TCHH: variants seen among roughly 807,000 people sequenced by gnomAD.
TCHH encodes the protein trichohyalin.
A neutral mutation model predicts 6.3 loss-of-function variants in TCHH; 6 were observed. The ratio of observed to expected loss-of-function variants is 0.95; its 90% confidence interval spans 0.52 to 1.88. The LOEUF is 1.88. Among genes scored for constraint, TCHH ranks in the 40% most tolerant of loss-of-function variants. The probability of loss-of-function intolerance (pLI) is 0.01; values close to 1 mark genes in which losing one functional copy is unlikely to be tolerated. For synonymous variants in TCHH, 1,087 were observed against 963.6 expected, an observed-to-expected ratio of 1.13 and a Z score of -2.37; for missense variants, 2,920 against 2,449.1, an observed-to-expected ratio of 1.19 and a Z score of -4.06.
At chr1:152,114,757 A>G (rs1658468458) in intron 1 of TCHH, among the ~76,000 whole-genome samples, 1 of 152,254 alleles carries the variant, frequency 6.6e-6, no homozygotes, top group Admixed American at 6.5e-5. Flanking sequence ...GAGACTGTAT[A>G]TTACCTGCCT....
Position 152,110,012 on chromosome 1 carries a change from C to A in TCHH, c.3205G>T (p.Glu1069Ter), listed in dbSNP as rs1658270162. 1 of 1,541,664 alleles carries A rather than the reference C, an allele frequency of 6.5e-7. No homozygotes were observed. Among genetic ancestry groups the A allele is most frequent in the Non-Finnish European group, 8.8e-7 (1 of 1,141,384 alleles). ...EEEQLLGEER[E>*]TRRRQELERQ... ...TCCAGCTCCTGGCGCCTTCTCGTCTCCCGTTCCTCTCCCAGCAGCTGCTCT... is the reference window on the plus strand; with the variant it reads ...TCCAGCTCCTGGCGCCTTCTCGTCTACCGTTCCTCTCCCAGCAGCTGCTCT... The change falls in exon 3 of 3, where the codon GAG becomes TAG. Residue 1069 changes from glutamate to a stop codon, truncating the protein, a stop_gained. Coordinates refer to ENST00000614923, the MANE Select transcript of TCHH (RefSeq NM_007113.4). LOFTEE classifies it low-confidence loss of function (END_TRUNC).
Position 152,109,683 on chromosome 1 carries a change from C to T in TCHH, c.3534G>A (p.Gln1178=). 5 of 1,608,836 alleles carry T rather than the reference C, an allele frequency of 3.1e-6. No homozygotes were observed. The highest frequency in any genetic ancestry group is 4.2e-6 in the Non-Finnish European group (5 of 1,177,054). ...RQYREEEELQ[Q]EEEQLLREEQ... Reference sequence around the variant, plus strand: ...CCTCTCTCAGCAGCTGCTCTTCCTCCTGCTGCAGCTCCTCTTCCTCGCGGT... The same window carrying T: ...CCTCTCTCAGCAGCTGCTCTTCCTCTTGCTGCAGCTCCTCTTCCTCGCGGT... The change falls in exon 3 of 3, where the codon CAG becomes CAA. Residue 1178 remains glutamine, a synonymous_variant. Coordinates refer to ENST00000614923, the MANE Select transcript of TCHH (RefSeq NM_007113.4).
chr1:152,112,295 G>A lies in TCHH; in HGVS notation c.922C>T (p.Arg308Cys), dbSNP rs1457861300. The A allele has an allele frequency of 1.9e-6, 3 of 1,605,750 alleles. No individual in the cohort carries two copies. The highest frequency in any genetic ancestry group is 1.1e-5 in the South Asian group (1 of 90,754). ...TCGCGCCTCTCCTCCTCCTGCTTGCGCCTTAGTTGCTGCTCGCGCCTCAGC... is the reference window on the plus strand; with the variant it reads ...TCGCGCCTCTCCTCCTCCTGCTTGCACCTTAGTTGCTGCTCGCGCCTCAGC... Reference protein sequence around the residue: ...QRLRREQQLRRKQEEERREQQ... With the variant: ...QRLRREQQLRCKQEEERREQQ... The change falls in exon 3 of 3, where the codon CGC (arginine) becomes TGC (cysteine). Residue 308 changes from arginine to cysteine, a missense_variant. Arg to Cys is a radical substitution (Grantham distance 180, BLOSUM62 -3). Coordinates refer to ENST00000614923, the MANE Select transcript of TCHH (RefSeq NM_007113.4).
chr1:152,111,293 TCTC>T lies in TCHH; in HGVS notation c.1921_1923del (p.Glu641del), dbSNP rs755471114. On this transcript the variant is annotated inframe_deletion, in exon 3 of 3. Transcript: ENST00000614923. ...TCGCGCCTTAGTTGCTGCTGGCGCC[TCTC>T]CTCCTGCTCCTCGCTCTTCAGCAGC... 141 of 1,591,674 alleles carry T rather than the reference TCTC, an allele frequency of 8.9e-5. No individual in the cohort carries two copies. Among genetic ancestry groups the T allele is most frequent in the Non-Finnish European group, 1.2e-4 (136 of 1,168,088 alleles).
In TCHH at chr1:152,110,220, C is replaced by G; in HGVS notation, c.2997G>C (p.Glu999Asp). The stretch of plus-strand genomic sequence containing the variant: ...GTTCCTCTCTCAGCAGCTGCTCTTC[C>G]TCCTGCTGCAACTCCTCTTCCTCGC... ...KYREEEELQQ[E>D]EEQLLREERE... The change falls in exon 3 of 3, where the codon GAG (glutamate) becomes GAC (aspartate). Residue 999 changes from glutamate (E) to aspartate (D), a missense_variant. Physicochemically the swap from Glu to Asp is conservative, Grantham distance 45. Transcript: ENST00000614923. 6.2e-7 allele frequency: 1 copy of G among 1,609,294 alleles called. No individual in the cohort carries two copies. Among genetic ancestry groups the G allele is most frequent in the Non-Finnish European group, 8.5e-7 (1 of 1,178,250 alleles).
In TCHH at chr1:152,110,125, T is replaced by C. The variant is rs1658277425; in HGVS notation, c.3092A>G (p.Glu1031Gly). Residue 1031 changes from glutamate to glycine, a missense_variant, in exon 3 of 3, where the codon GAG (glutamate) becomes GGG (glycine). By Grantham distance (98) the Glu-to-Gly change is moderately conservative. Transcript: ENST00000614923. ...RKKDELQQEE[E>G]QLLREEREKR... ...CTCCCGTTCCTCTCTCAGCAGCTGC[T>C]CTTCTTCCTGCTGCAGCTCGTCTTT... 1.2e-6 allele frequency: 2 copies of C among 1,611,002 alleles called. No homozygotes were observed. The highest frequency in any genetic ancestry group is 1.7e-6 in the Non-Finnish European group (2 of 1,179,250).
rs758729961 is a variant in TCHH at position 152,108,557 on chromosome 1, C to A, written c.4660G>T (p.Asp1554Tyr). 2.5e-6 allele frequency: 4 copies of A among 1,599,458 alleles called. No homozygotes were observed. In the Admixed American group the frequency reaches 6.8e-5, roughly 27 times the overall value. ...TGTTCCTCCTCGCGGAATTTTCTGT[C>A]ACGGTCCTGACGCCGCTGTTGCCCG... ...ERGQQRRQDR[D>Y]RKFREEEQLR... The change falls in exon 3 of 3, where the codon GAC (aspartate) becomes TAC (tyrosine). Residue 1554 changes from aspartate to tyrosine, a missense_variant. Coordinates refer to ENST00000614923, the MANE Select transcript of TCHH (RefSeq NM_007113.4).
rs1303137490 is a variant in TCHH at position 152,108,161 on chromosome 1, G to T, written c.5056C>A (p.Arg1686Ser). The T allele has an allele frequency of 7.4e-6, 12 of 1,612,906 alleles. No homozygotes were observed. Among genetic ancestry groups the T allele is most frequent in the Admixed American group, 3.3e-5 (2 of 59,966 alleles). The change falls in exon 3 of 3, where the codon CGC becomes AGC. Residue 1686 changes from arginine (R) to serine (S), a missense_variant. By Grantham distance (110) the Arg-to-Ser change is moderately radical. Transcript: ENST00000614923. ...LQEGEEQQLR[R>S]QERDRKFREE... ...CGGAATTTTCTGTCACGCTCTTGGC[G>T]GCGCAGCTGCTGTTCCTCCCCTTCC...
Position 152,111,684 on chromosome 1 carries a change from T to TTGCTCCCGCCTTAGTTGC in TCHH, c.1515_1532dup (p.Gln506_Gln511dup). ...TCAGCCGCTGCTCGCGCCTCTCCTC[T>TTGCTCCCGCCTTAGTTGC]TGCTCCCGCCTTAGTTGCTGCTCGC... On this transcript the variant is annotated inframe_insertion, in exon 3 of 3. Transcript: ENST00000614923. 1 of 1,268,964 alleles carries TTGCTCCCGCCTTAGTTGC rather than the reference T, an allele frequency of 7.9e-7. No individual in the cohort carries two copies. Among genetic ancestry groups the TTGCTCCCGCCTTAGTTGC allele is most frequent in the Admixed American group, 2.4e-5 (1 of 41,202 alleles). 78.6% of individuals were successfully genotyped at this position (1,268,964 alleles called of 1,614,324 possible). A position where few individuals can be genotyped will look rare whatever the true frequency, so the allele number is the denominator to read the frequency against.
In TCHH at chr1:152,107,875, T is replaced by A; in HGVS notation, c.5342A>T (p.Gln1781Leu). 2 of 1,613,730 alleles carry A rather than the reference T, an allele frequency of 1.2e-6. No individual in the cohort carries two copies. The highest frequency in any genetic ancestry group is 1.7e-6 in the Non-Finnish European group (2 of 1,179,882). ...RKFREEEQLR[Q>L]EREEQQLRSQ... ...GCGCAGCTGCTGTTCCTCCCTCTCC[T>A]GGCGGAGCTGTTCCTCCTCGCGGAA... is the stretch of plus-strand genomic sequence containing the variant. Residue 1781 changes from glutamine to leucine, a missense_variant, in exon 3 of 3, where the codon CAG (glutamine) becomes CTG (leucine). Gln to Leu is a moderately radical substitution (Grantham distance 113). Transcript: ENST00000614923.
rs761187559 is a variant in TCHH at position 152,110,105 on chromosome 1, G to T, written c.3112C>A (p.Arg1038=). Residue 1038 remains arginine (R), a synonymous_variant, in exon 3 of 3, where the codon CGG becomes AGG. Coordinates refer to ENST00000614923, the MANE Select transcript of TCHH (RefSeq NM_007113.4). Reference sequence around the variant, plus strand: ...CGCTCCTGGAGTCTTCTTTTCTCCCGTTCCTCTCTCAGCAGCTGCTCTTCT... The same window carrying T: ...CGCTCCTGGAGTCTTCTTTTCTCCCTTTCCTCTCTCAGCAGCTGCTCTTCT... ...QEEEQLLREE[R]EKRRLQERER... is the part of the protein sequence containing the mutation. 9.3e-6 allele frequency: 15 copies of T among 1,609,618 alleles called. No homozygotes were observed. The highest frequency in any genetic ancestry group is 1.2e-5 in the Non-Finnish European group (14 of 1,179,058).
At position 152,108,092 on chromosome 1, in the gene TCHH, A is replaced by C. The variant is rs1658169778; in HGVS notation, c.5125T>G (p.Phe1709Val). ...CGCAGCTGCTGTTCCTCCTGGAGGA[A>C]TTTTCTCTCTCGTTCCTGACGGCGG... ...QLRRQERERKFLQEEQQLRRQ... is the reference protein window; with the variant it reads ...QLRRQERERKVLQEEQQLRRQ... Residue 1709 changes from phenylalanine (F) to valine (V), a missense_variant, in exon 3 of 3, where the codon TTC becomes GTC. Coordinates refer to ENST00000614923, the MANE Select transcript of TCHH (RefSeq NM_007113.4). 1 of 1,595,348 alleles carries C rather than the reference A, an allele frequency of 6.3e-7. No individual in the cohort carries two copies. Among genetic ancestry groups the C allele is most frequent in the Non-Finnish European group, 8.5e-7 (1 of 1,175,070 alleles).
chr1:152,110,610 G>A lies in TCHH; in HGVS notation c.2607C>T (p.Arg869=). The change falls in exon 3 of 3, where the codon CGC becomes CGT. Residue 869 remains arginine, a synonymous_variant. Transcript: ENST00000614923. Reference sequence around the variant, plus strand: ...GTTGCCACCTCCATTTTTGGTCGCGGCGCTGCTCCTGGCTTCGCCTCCTCT... The same window carrying A: ...GTTGCCACCTCCATTTTTGGTCGCGACGCTGCTCCTGGCTTCGCCTCCTCT... The part of the protein sequence containing the change: ...DQERRRSQEQ[R]RDQKWRWQLE... 1 of 1,614,098 alleles carries A rather than the reference G, an allele frequency of 6.2e-7. No individual in the cohort carries two copies. Among genetic ancestry groups the A allele is most frequent in the Non-Finnish European group, 8.5e-7 (1 of 1,180,020 alleles).
At chr1:152,114,304 A>G (rs779012903) in intron 1 of TCHH, among the ~76,000 whole-genome samples, 193 bp from the exon 2 acceptor site, 20 of 152,232 alleles carry the variant, frequency 1.3e-4, no homozygotes, top group Non-Finnish European at 2.1e-4. Flanking sequence ...ATTCCAAGCC[A>G]GGGAATCATC....
Position 152,108,371 on chromosome 1 carries a change from C to G in TCHH, c.4846G>C (p.Glu1616Gln). The stretch of plus-strand genomic sequence containing the variant: ...TCTTCGCGGAATTTTCTGTCGCGCT[C>G]CTGGCGCAGCTGTTGTTGGCCCTCC... ...RQEGQQQLRQ[E>Q]RDRKFREDEQ... The change falls in exon 3 of 3, where the codon GAG (glutamate) becomes CAG (glutamine). Residue 1616 changes from glutamate (E) to glutamine (Q), a missense_variant. By Grantham distance (29) the Glu-to-Gln change is conservative. Coordinates refer to ENST00000614923, the MANE Select transcript of TCHH (RefSeq NM_007113.4). 3.7e-6 allele frequency: 6 copies of G among 1,612,614 alleles called. No homozygotes were observed. The highest frequency in any genetic ancestry group is 5.1e-6 in the Non-Finnish European group (6 of 1,179,338).
In TCHH at chr1:152,109,064, G is replaced by C; in HGVS notation, c.4153C>G (p.Arg1385Gly). 1.2e-6 allele frequency: 2 copies of C among 1,613,364 alleles called. No homozygotes were observed. Reference sequence around the variant, plus strand: ...AGGAATTTTCTCTCCCGTTCCTGGCGGCGCAGCCGCTGTTCCTCCTCGAGG... The same window carrying C: ...AGGAATTTTCTCTCCCGTTCCTGGCCGCGCAGCCGCTGTTCCTCCTCGAGG... ...KFLEEEQRLR[R>G]QERERKFLKE... Residue 1385 changes from arginine to glycine, a missense_variant, in exon 3 of 3, where the codon CGC (arginine) becomes GGC (glycine). Transcript: ENST00000614923.
In TCHH at chr1:152,107,850, G is replaced by C. The variant is rs559135114; in HGVS notation, c.5367C>G (p.Arg1789=). 5.6e-6 allele frequency: 9 copies of C among 1,613,966 alleles called. No homozygotes were observed. In the Admixed American group the frequency reaches 6.7e-5, roughly 12 times the overall value. ...GGAATTTTCTGTCAGACTCTTGGCTGCGCAGCTGCTGTTCCTCCCTCTCCT... is the reference window on the plus strand; with the variant it reads ...GGAATTTTCTGTCAGACTCTTGGCTCCGCAGCTGCTGTTCCTCCCTCTCCT... ...LRQEREEQQL[R]SQESDRKFRE... Residue 1789 remains arginine, a synonymous_variant, in exon 3 of 3, where the codon CGC becomes CGG. Coordinates refer to ENST00000614923, the MANE Select transcript of TCHH (RefSeq NM_007113.4).
At position 152,107,523 on chromosome 1, in the gene TCHH, G is replaced by C. The variant is rs763906579; in HGVS notation, c.5694C>G (p.Val1898=). 6 of 1,614,090 alleles carry C rather than the reference G, an allele frequency of 3.7e-6. No homozygotes were observed. The highest frequency in any genetic ancestry group is 3.3e-5 in the Admixed American group (2 of 60,008). ...TCCCTTCTTGGGATTTTATCTCCCC[G>C]ACTTGGCGGTGCCTCTGTTCCTCCT... ...QQKEEQRHRQ[V]GEIKSQEGKG... is the part of the protein sequence containing the mutation. The change falls in exon 3 of 3, where the codon GTC becomes GTG. Residue 1898 remains valine (V), a synonymous_variant. Coordinates refer to ENST00000614923, the MANE Select transcript of TCHH (RefSeq NM_007113.4).
rs1456073929 is a variant in TCHH, at chr1:152,108,200, C to G, written c.5017G>C (p.Glu1673Gln). 2.5e-6 allele frequency: 4 copies of G among 1,610,960 alleles called. No homozygotes were observed. Among genetic ancestry groups the G allele is most frequent in the East Asian group, 2.2e-5 (1 of 44,574 alleles). Residue 1673 changes from glutamate to glutamine, a missense_variant, in exon 3 of 3, where the codon GAA becomes CAA. By Grantham distance (29) the Glu-to-Gln change is conservative (BLOSUM62 2). Coordinates refer to ENST00000614923, the MANE Select transcript of TCHH (RefSeq NM_007113.4). ...HDRDRKFREE[E>Q]QLLQEGEEQQ... ...TCCTCCCCTTCCTGGAGCAGCTGTT[C>G]CTCTTCACGGAATTTTCTGTCGCGG...
Sources: allele counts gnomAD v4.1 joint callset (sites outside exome capture counted in the v4.1 genomes callset), GRCh38; gene constraint gnomAD v4.1.1; transcripts MANE v1.5; gene names NCBI Gene and HGNC (gene_info 2026-07-23, HGNC 2026-07-21).